The following ADAMTS19 variants were observed in gnomAD, a reference collection of about 807,000 sequenced individuals.
The protein encoded by ADAMTS19 is ADAM metallopeptidase with thrombospondin type 1 motif 19, also known as A disintegrin and metalloproteinase with thrombospondin motifs 19.
ADAMTS19 carries 93 observed loss-of-function variants against 153.3 expected under a neutral mutation model. That is an observed-to-expected ratio of 0.61 (90% CI 0.51 to 0.72). ADAMTS19 has a LOEUF of 0.72. Among genes scored for constraint, ADAMTS19 ranks in the 30% least tolerant of loss-of-function variants. The pLI is 0.00. For synonymous variants in ADAMTS19, 600 were observed against 556.6 expected, an observed-to-expected ratio of 1.08 and a Z score of -1.10; for missense variants, 1,482 against 1,552.1, an observed-to-expected ratio of 0.95 and a Z score of 0.76.
Position 129,581,031 on chromosome 5 carries a change from C to G in ADAMTS19, c.1373-15528C>G, listed in dbSNP as rs148065424. 7.3e-3 allele frequency among the ~76,000 whole-genome samples: 1,107 copies of G among 152,266 alleles called. 13 individuals carry two copies. Among genetic ancestry groups the G allele is most frequent in the African/African-American group, 0.025 (1,050 of 41,552 alleles). On this transcript the variant is annotated intron_variant, in intron 7 of 22. Coordinates refer to ENST00000274487, the MANE Select transcript of ADAMTS19 (RefSeq NM_133638.6). ...ATGGTACTAGCTCCTCTTTGTACCTCTGGTAGAATTCTGCTGTGAATCCAT... is the reference window on the plus strand; with the variant it reads ...ATGGTACTAGCTCCTCTTTGTACCTGTGGTAGAATTCTGCTGTGAATCCAT...
chr5:129,635,784 G>A (rs1480748354), intron 10 of ADAMTS19, among the ~76,000 whole-genome samples: 5 of 152,018 alleles, frequency 3.3e-5, no homozygotes, highest in Non-Finnish European at 5.9e-5. Context: ...ATATTTAATG[G>A]GTTCTAGGCT....
intron 10 of ADAMTS19, among the ~76,000 whole-genome samples, chr5:129,631,163 T>G (rs868165018): frequency 4.9e-4 from 51 of 104,416 alleles, no homozygotes; most frequent in South Asian, 4.8e-3. Context: ...ATTTTAGGTT[T>G]TTTTTTTTTT....
chr5:129,549,135 C>G (rs994771906), intron 6 of ADAMTS19, among the ~76,000 whole-genome samples: 2 of 149,320 alleles, frequency 1.3e-5, no homozygotes, highest in African/African-American at 4.9e-5. Flanking sequence ...ATGTAACAAA[C>G]CTGCACATTG....
At position 129,679,779 on chromosome 5, in the gene ADAMTS19, GCAAA is replaced by G. The variant is rs1478348033; in HGVS notation, c.2525_2528del (p.Lys842SerfsTer25). 6.2e-7 allele frequency: 1 copy of G among 1,610,258 alleles called. No individual in the cohort carries two copies. The highest frequency in any genetic ancestry group is 2.2e-5 in the East Asian group (1 of 44,738). ...CTCTTTATAGCTCTCCGAGATGCTGGCAAACAGTCTATTAATAGTGACTGGAAGA... is the reference window on the plus strand; with the variant it reads ...CTCTTTATAGCTCTCCGAGATGCTGGCAGTCTATTAATAGTGACTGGAAGA... On this transcript the variant is annotated frameshift_variant, in exon 17 of 23. Coordinates refer to ENST00000274487, the MANE Select transcript of ADAMTS19 (RefSeq NM_133638.6). LOFTEE classifies it high-confidence loss of function.
At chr5:129,698,876 G>A (rs886080277) in intron 19 of ADAMTS19, among the ~76,000 whole-genome samples, 7 of 152,190 alleles carry the variant, frequency 4.6e-5, no homozygotes, top group Non-Finnish European at 1.0e-4. Context: ...GGACTCCAAA[G>A]CAAAATGGCA....
At chr5:129,508,336 T>C (rs1581019849) in intron 2 of ADAMTS19, among the ~76,000 whole-genome samples, 1 of 151,992 alleles carries the variant, frequency 6.6e-6, no homozygotes, top group East Asian at 1.9e-4. Context: ...AATACTTTCC[T>C]AGTTATAATG....
chr5:129,483,990 TCTCA>T (rs1420409857), intron 2 of ADAMTS19, among the ~76,000 whole-genome samples: 1 of 152,174 alleles, frequency 6.6e-6, no homozygotes, highest in Admixed American at 6.5e-5. Context: ...CAAGTTACAC[TCTCA>T]CTAACTGTAG....
intron 7 of ADAMTS19, among the ~76,000 whole-genome samples, chr5:129,553,632 G>C (rs7734391): frequency 0.067 from 10,168 of 152,020 alleles, 592 homozygotes; most frequent in African/African-American, 0.16. Context: ...GATTCCTTAG[G>C]TTGTCATCAG....
intron 13 of ADAMTS19, among the ~76,000 whole-genome samples, chr5:129,651,195 A>C (rs1392123797): frequency 2.6e-5 from 4 of 152,206 alleles, no homozygotes; most frequent in Admixed American, 2.6e-4. Flanking sequence ...TATGCAAATA[A>C]TACATGAGTT....
At chr5:129,734,496 C>G (rs138211910) in intron 21 of ADAMTS19, among the ~76,000 whole-genome samples, 20 of 152,028 alleles carry the variant, frequency 1.3e-4, no homozygotes, top group African/African-American at 3.9e-4. Context: ...TATTTAAAGA[C>G]TGTAACAAGG....
intron 10 of ADAMTS19, among the ~76,000 whole-genome samples, chr5:129,623,644 G>T (rs1485448275): frequency 7.2e-5 from 11 of 152,092 alleles, no homozygotes; most frequent in Admixed American, 7.2e-4. Context: ...GCACTTATTT[G>T]TTTATTAATT....
At chr5:129,607,343 T>G (rs763126581) in intron 8 of ADAMTS19, among the ~76,000 whole-genome samples, 1 of 152,248 alleles carries the variant, frequency 6.6e-6, no homozygotes, top group Non-Finnish European at 1.5e-5. Flanking sequence ...AATAGCAATC[T>G]CTGTGAAAAT....
intron 16 of ADAMTS19, among the ~76,000 whole-genome samples, chr5:129,678,728 G>C (rs149324471): frequency 8.5e-4 from 129 of 152,078 alleles, no homozygotes; most frequent in Non-Finnish European, 1.5e-3. Flanking sequence ...TCCAAATCTG[G>C]ATATTTAAGG....
At chr5:129,534,763 T>C (rs892282286) in intron 6 of ADAMTS19, among the ~76,000 whole-genome samples, 4 of 152,200 alleles carry the variant, frequency 2.6e-5, no homozygotes, top group Non-Finnish European at 5.9e-5. Flanking sequence ...GCAAGGCTTG[T>C]TCAACATACG....
chr5:129,690,007 C>A (rs1357160898), intron 18 of ADAMTS19, among the ~76,000 whole-genome samples: 1 of 152,110 alleles, frequency 6.6e-6, no homozygotes, highest in South Asian at 2.1e-4. Context: ...ATTTTGTCAC[C>A]ATTTTAGAAA....
chr5:129,673,874 T>C (rs1384045696), intron 16 of ADAMTS19, among the ~76,000 whole-genome samples: 1 of 152,236 alleles, frequency 6.6e-6, no homozygotes, highest in Admixed American at 6.5e-5. Context: ...AAATGACCTT[T>C]AAAAACATGT....
rs184746259 is a variant in ADAMTS19, at chr5:129,633,229, T to C, written c.1771-8630T>C. 2.5e-3 allele frequency among the ~76,000 whole-genome samples: 380 copies of C among 152,244 alleles called. 1 individual carries two copies. Among genetic ancestry groups the C allele is most frequent in the African/African-American group, 8.7e-3 (360 of 41,560 alleles). ...CTAAAGTGAAAGTTTCAATTTACTT[T>C]TTTTAAACTTTTCTCTTGAGATATC... On this transcript the variant is annotated intron_variant, in intron 10 of 22. Transcript: ENST00000274487.
chr5:129,596,465 T>C (rs982156176), intron 7 of ADAMTS19, 94 bp from the exon 8 acceptor site: 1 of 855,102 alleles, frequency 1.2e-6, no homozygotes, highest in Non-Finnish European at 1.8e-6. Context: ...ATTTTAGTCG[T>C]GACAACTGCC....
intron 7 of ADAMTS19, among the ~76,000 whole-genome samples, chr5:129,587,866 T>G (rs550637761): frequency 1.3e-5 from 2 of 152,092 alleles, no homozygotes; most frequent in Non-Finnish European, 1.5e-5. Flanking sequence ...CTGGATCAAG[T>G]CCAGCTTCTC....
Sources: gnomAD v4.1 joint callset for allele counts (sites outside exome capture counted in the v4.1 genomes callset) on GRCh38, gnomAD v4.1.1 for gene constraint, MANE v1.5 for transcripts, NCBI Gene and HGNC (gene_info 2026-07-23, HGNC 2026-07-21) for gene names.